SOX5: variants seen among roughly 807,000 people sequenced by gnomAD.
SOX5 encodes the protein SRY-box transcription factor 5.
A neutral mutation model predicts 92.0 loss-of-function variants in SOX5; 9 were observed. The observed-to-expected ratio is 0.10, with a 90% CI of 0.06 to 0.17. SOX5 has a LOEUF of 0.17. Ranked by LOEUF, SOX5 falls within the 10% of genes least tolerant of loss-of-function variation. SOX5 has a pLI of 1.00. For synonymous variants in SOX5, 344 were observed against 336.3 expected (o/e 1.02, Z -0.25); for missense variants, 642 against 944.5 (o/e 0.68, Z 4.20).
At chr12:23,970,841 A>ATATATATATATAATT in intron 4 of SOX5, among the ~76,000 whole-genome samples, 1 of 21,878 alleles carries the variant, frequency 4.6e-5, no homozygotes, top group African/African-American at 1.2e-4. Flanking sequence ...TATATATATA[A>ATATATATATATAATT]TTTTTTTTTT....
chr12:23,709,590 G>C (rs1367078164), intron 6 of SOX5, among the ~76,000 whole-genome samples: 2 of 152,134 alleles, frequency 1.3e-5, no homozygotes, highest in East Asian at 3.9e-4. Context: ...ACTCCAATAG[G>C]AGCAAATATA....
chr12:24,252,886 T>C (rs1451081069), intron 3 of SOX5, among the ~76,000 whole-genome samples: 1 of 152,130 alleles, frequency 6.6e-6, no homozygotes, highest in Non-Finnish European at 1.5e-5. Flanking sequence ...ATAAATGTCA[T>C]TCTGACTGGC....
intron 4 of SOX5, among the ~76,000 whole-genome samples, chr12:24,066,589 C>T (rs1010298636): frequency 2.0e-5 from 3 of 151,858 alleles, no homozygotes; most frequent in Non-Finnish European, 4.4e-5. Flanking sequence ...AGGTAAATAA[C>T]TAAAGAGTTA....
intron 6 of SOX5, among the ~76,000 whole-genome samples, chr12:23,716,016 A>T (rs1203286814): frequency 1.3e-5 from 2 of 152,084 alleles, no homozygotes; most frequent in Non-Finnish European, 2.9e-5. Flanking sequence ...TGTTGTGTGG[A>T]TGATTCTAGG....
chr12:24,216,391 G>A (rs1373360501), intron 3 of SOX5, among the ~76,000 whole-genome samples: 1 of 152,198 alleles, frequency 6.6e-6, no homozygotes, highest in Admixed American at 6.5e-5. Context: ...GGCTGGGGCA[G>A]GAGAATGGCG....
intron 1 of SOX5, among the ~76,000 whole-genome samples, chr12:24,561,811 G>T (rs546161569): frequency 6.6e-6 from 1 of 151,740 alleles, no homozygotes; most frequent in Non-Finnish European, 1.5e-5. Context: ...CTAAGGTTAG[G>T]GGGTGGGCCA....
chr12:23,774,726 A>G (rs536047320), intron 3 of SOX5, among the ~76,000 whole-genome samples: 81 of 152,308 alleles, frequency 5.3e-4, no homozygotes, highest in Middle Eastern at 3.4e-3. Flanking sequence ...TGCACTGAGA[A>G]GTCCTCTATT....
At chr12:24,562,598 A>T (rs1009465897), upstream of SOX5, 1 of 152,188 alleles carries the variant, frequency 6.6e-6, no homozygotes, top group African/African-American at 2.4e-5. Context: ...TTTGCTGGTC[A>T]TGAGGCGGCT....
At chr12:24,368,195 G>A (rs2136234547) in intron 2 of SOX5, 1 of 152,288 alleles carries the variant, frequency 6.6e-6, no homozygotes, top group Non-Finnish European at 1.5e-5. Flanking sequence ...TGTTTTATGT[G>A]TGAAGAAGAA....
At chr12:23,830,717 C>A (rs917258603) in intron 3 of SOX5, among the ~76,000 whole-genome samples, 1 of 152,200 alleles carries the variant, frequency 6.6e-6, no homozygotes, top group South Asian at 2.1e-4. Flanking sequence ...GGATTTTGAA[C>A]TTAGGAAAGC....
At chr12:24,498,725 T>TAC (rs1947892137) in intron 1 of SOX5, among the ~76,000 whole-genome samples, 1 of 152,142 alleles carries the variant, frequency 6.6e-6, no homozygotes, top group Non-Finnish European at 1.5e-5. Context: ...ATCAGATCAT[T>TAC]ACACCCTTCG....
intron 1 of SOX5, among the ~76,000 whole-genome samples, chr12:24,423,436 A>T (rs1174962677): frequency 6.6e-6 from 1 of 152,254 alleles, no homozygotes; most frequent in Non-Finnish European, 1.5e-5. Flanking sequence ...TATTAAAACT[A>T]TAAAACGTCC....
At chr12:24,489,864 C>G (rs1198725309) in intron 1 of SOX5, among the ~76,000 whole-genome samples, 8 of 152,226 alleles carry the variant, frequency 5.3e-5, no homozygotes, top group Admixed American at 4.6e-4. Flanking sequence ...TGACTTTTCT[C>G]TCAGGCTTTG....
chr12:23,603,445 AATATATATAT>A (rs72370535), intron 9 of SOX5, among the ~76,000 whole-genome samples: 1 of 124,858 alleles, frequency 8.0e-6, no homozygotes, highest in Admixed American at 8.2e-5. Context: ...ATATATATAA[AATATATATAT>A]ATATATATAT....
chr12:24,438,874 A>T (rs1365690805), intron 1 of SOX5, among the ~76,000 whole-genome samples: 3 of 152,258 alleles, frequency 2.0e-5, no homozygotes, highest in African/African-American at 7.2e-5. Flanking sequence ...TTGAAAAGGC[A>T]TCAAAGGATT....
At chr12:23,890,602 A>T (rs1250764704) in intron 2 of SOX5, among the ~76,000 whole-genome samples, 1 of 152,116 alleles carries the variant, frequency 6.6e-6, no homozygotes, top group Non-Finnish European at 1.5e-5. Context: ...TGCTTCTGAT[A>T]TTGCTACTTG....
chr12:24,370,534 G>C (rs1956629391), intron 1 of SOX5, among the ~76,000 whole-genome samples: 1 of 149,416 alleles, frequency 6.7e-6, no homozygotes. Flanking sequence ...GCTCATGCCT[G>C]TAATCCCGGC....
intron 3 of SOX5, among the ~76,000 whole-genome samples, chr12:23,776,617 A>AT (rs903276801): frequency 1.5e-4 from 22 of 151,138 alleles, no homozygotes; most frequent in East Asian, 9.7e-4. Flanking sequence ...CGTGGAAGAC[A>AT]TTTTTTTTTA....
chr12:23,904,641 C>G (rs571841612), intron 1 of SOX5, among the ~76,000 whole-genome samples: 1 of 152,162 alleles, frequency 6.6e-6, no homozygotes, highest in Non-Finnish European at 1.5e-5. Context: ...TTATACATTA[C>G]AAAAGTTCAA....
Sources: allele counts gnomAD v4.1 joint callset (sites outside exome capture counted in the v4.1 genomes callset), GRCh38; gene constraint gnomAD v4.1.1; transcripts MANE v1.5; gene names NCBI Gene and HGNC (gene_info 2026-07-23, HGNC 2026-07-21).